FAM83B: variants seen among roughly 807,000 people sequenced by gnomAD.
The protein encoded by FAM83B is protein FAM83B.
In FAM83B, 26 loss-of-function variants were observed where a neutral mutation model predicts 38.8. That is an observed-to-expected ratio of 0.67 (90% CI 0.49 to 0.93). The LOEUF is 0.93. Among genes scored for constraint, FAM83B ranks in the 40% least tolerant of loss-of-function variants. The pLI is 0.00. For synonymous variants in FAM83B, 419 were observed against 423.1 expected (o/e 0.99, Z 0.12); for missense variants, 1,237 against 1,197.3 (o/e 1.03, Z -0.49).
intron 2 of FAM83B, among the ~76,000 whole-genome samples, chr6:54,920,893 T>C (rs938453385): frequency 2.6e-5 from 4 of 151,960 alleles, no homozygotes; most frequent in Non-Finnish European, 5.9e-5. Flanking sequence ...CTAGCACTTA[T>C]ATTGGTCTCC....
At chr6:54,938,611 A>G (rs1257148043) in intron 4 of FAM83B, among the ~76,000 whole-genome samples, 1 of 152,120 alleles carries the variant, frequency 6.6e-6, no homozygotes, top group Non-Finnish European at 1.5e-5. Context: ...CATTTCCCAG[A>G]TAATTAGTGA....
Position 54,940,776 on chromosome 6 carries a change from T to C in FAM83B, c.1805T>C (p.Leu602Pro), listed in dbSNP as rs1773662017. ...CCCTTGCCAGAATCAATCCCCAAGC[T>C]CCCATTGCAGTCAGAGGCACCAAAA... ...DKPLPESIPK[L>P]PLQSEAPKMH... is the part of the protein sequence containing the mutation. Residue 602 changes from leucine (L) to proline (P), a missense_variant, in exon 5 of 5, where the codon CTC (leucine) becomes CCC (proline). Coordinates refer to ENST00000306858, the MANE Select transcript of FAM83B (RefSeq NM_001010872.3). 6.2e-7 allele frequency: 1 copy of C among 1,613,674 alleles called. No homozygotes were observed.
chr6:54,926,281 A>AT (rs1773283630), intron 2 of FAM83B, 90 bp from the exon 3 acceptor site: 13 of 766,354 alleles, frequency 1.7e-5, no homozygotes, highest in Middle Eastern at 3.9e-4. Context: ...AATTTTTAAA[A>AT]TTTTATCTGA....
intron 2 of FAM83B, among the ~76,000 whole-genome samples, chr6:54,906,875 T>C (rs1291820876): frequency 6.6e-6 from 1 of 152,174 alleles, no homozygotes; most frequent in East Asian, 1.9e-4. Context: ...TGAAATAATA[T>C]ATTCACAGAT....
intron 1 of FAM83B, among the ~76,000 whole-genome samples, chr6:54,864,500 G>T (rs188922460): frequency 6.6e-6 from 1 of 152,132 alleles, no homozygotes; most frequent in South Asian, 2.1e-4. Context: ...ATATCATGCC[G>T]TGCAGATGAC....
intron 2 of FAM83B, among the ~76,000 whole-genome samples, chr6:54,877,401 G>C (rs1279111044): frequency 6.6e-6 from 1 of 152,180 alleles, no homozygotes; most frequent in East Asian, 1.9e-4. Flanking sequence ...GAGATGATGA[G>C]TGCTGACATT....
chr6:54,938,967 TATC>T (rs956481392), intron 4 of FAM83B, among the ~76,000 whole-genome samples: 2 of 152,178 alleles, frequency 1.3e-5, no homozygotes, highest in African/African-American at 4.8e-5. Context: ...TTTATTATGT[TATC>T]ATCTAGAATT....
At chr6:54,923,859 CT>C (rs766552428) in intron 2 of FAM83B, among the ~76,000 whole-genome samples, 129 of 150,362 alleles carry the variant, frequency 8.6e-4, no homozygotes, top group Admixed American at 1.5e-3. Flanking sequence ...CTATAATTTT[CT>C]TTTTTCTTTT....
chr6:54,852,025 C>T (rs1361649956), intron 1 of FAM83B, among the ~76,000 whole-genome samples: 1 of 145,464 alleles, frequency 6.9e-6, no homozygotes, highest in African/African-American at 2.4e-5. Flanking sequence ...TTGTGATCCA[C>T]CCACCTCGGC....
At chr6:54,890,099 A>G (rs1460658356) in intron 2 of FAM83B, among the ~76,000 whole-genome samples, 1 of 152,088 alleles carries the variant, frequency 6.6e-6, no homozygotes, top group Non-Finnish European at 1.5e-5. Context: ...CTTTACAGCT[A>G]TTCTAGAAAA....
At chr6:54,902,953 A>G (rs1399157912) in intron 2 of FAM83B, among the ~76,000 whole-genome samples, 2 of 152,232 alleles carry the variant, frequency 1.3e-5, no homozygotes, top group Non-Finnish European at 2.9e-5. Context: ...AATATTTAAA[A>G]CAAGTACATT....
chr6:54,853,588 T>C (rs1419248049), intron 1 of FAM83B, among the ~76,000 whole-genome samples: 1 of 152,156 alleles, frequency 6.6e-6, no homozygotes, highest in Admixed American at 6.6e-5. Flanking sequence ...AGCACATCTG[T>C]TTACAGCAAG....
At chr6:54,872,091 TA>T (rs1771870257) in intron 2 of FAM83B, among the ~76,000 whole-genome samples, 2 of 152,164 alleles carry the variant, frequency 1.3e-5, no homozygotes, top group African/African-American at 4.8e-5. Context: ...TTTTTTTCCC[TA>T]AACCTTTTGA....
intron 4 of FAM83B, among the ~76,000 whole-genome samples, chr6:54,933,142 C>CTT (rs58637379): frequency 3.4e-5 from 5 of 147,360 alleles, no homozygotes; most frequent in African/African-American, 1.2e-4. Flanking sequence ...TTCTTCATTC[C>CTT]TTTTTTTTTT....
intron 2 of FAM83B, among the ~76,000 whole-genome samples, chr6:54,891,983 A>G (rs1414484138): frequency 6.6e-6 from 1 of 152,030 alleles, no homozygotes; most frequent in African/African-American, 2.4e-5. Context: ...GGAAATTGCC[A>G]TGTCTACCTC....
chr6:54,863,924 A>T (rs980444272), intron 1 of FAM83B, among the ~76,000 whole-genome samples: 4 of 152,224 alleles, frequency 2.6e-5, no homozygotes, highest in Admixed American at 1.3e-4. Context: ...GTATGGCACA[A>T]GACACAACTT....
chr6:54,865,298 C>T (rs1771673030), intron 1 of FAM83B, among the ~76,000 whole-genome samples: 1 of 152,130 alleles, frequency 6.6e-6, no homozygotes, highest in South Asian at 2.1e-4. Context: ...TCTTGGCATT[C>T]CAGTCTCTGC....
intron 1 of FAM83B, among the ~76,000 whole-genome samples, chr6:54,855,371 C>G (rs2127571991): frequency 6.6e-6 from 1 of 152,256 alleles, no homozygotes; most frequent in African/African-American, 2.4e-5. Context: ...ATTTCTATGT[C>G]TGTTAATGTC....
Position 54,940,247 on chromosome 6 carries a change from G to T in FAM83B, c.1276G>T (p.Ala426Ser), listed in dbSNP as rs1378480812. 3 of 1,613,916 alleles carry T rather than the reference G, an allele frequency of 1.9e-6. No homozygotes were observed. The highest frequency in any genetic ancestry group is 2.2e-5 in the South Asian group (2 of 91,090). The change falls in exon 5 of 5, where the codon GCG (alanine) becomes TCG (serine). Residue 426 changes from alanine to serine, a missense_variant. Transcript: ENST00000306858. ...AAAGCCATCTGATAGTCTCAGTGTG[G>T]CGTCCTCATCACGGGAAGGCTATGT... The part of the protein sequence containing the change: ...WKKPSDSLSV[A>S]SSSREGYVSH...
Sources: gnomAD v4.1 joint callset for allele counts (sites outside exome capture counted in the v4.1 genomes callset) on GRCh38, gnomAD v4.1.1 for gene constraint, MANE v1.5 for transcripts, NCBI Gene and HGNC (gene_info 2026-07-23, HGNC 2026-07-21) for gene names.